The following CHCHD3 variants were observed in gnomAD, a reference collection of about 807,000 sequenced individuals.
CHCHD3 encodes the protein coiled-coil-helix-coiled-coil-helix domain containing 3.
A neutral mutation model predicts 38.2 loss-of-function variants in CHCHD3; 20 were observed. That is an observed-to-expected ratio of 0.52 (90% confidence interval 0.37 to 0.76). The LOEUF (loss-of-function observed/expected upper bound fraction) is 0.76. Ranked by LOEUF, CHCHD3 falls within the 30% of genes least tolerant of loss-of-function variation. The pLI is 0.00. For missense variants in CHCHD3, 245 were observed against 279.2 expected (o/e 0.88, Z 0.87); for synonymous variants, 82 against 100.0 (o/e 0.82, Z 1.07).
intron 4 of CHCHD3, among the ~76,000 whole-genome samples, chr7:132,903,917 A>G (rs1339668229): frequency 1.3e-5 from 2 of 152,190 alleles, no homozygotes; most frequent in Non-Finnish European, 2.9e-5. Context: ...AATCATCTTA[A>G]TGACAAACAT....
In CHCHD3 at chr7:132,785,616, T is replaced by C; in HGVS notation, c.*21A>G. 3 of 1,613,410 alleles carry C rather than the reference T, an allele frequency of 1.9e-6. No individual in the cohort carries two copies. The highest frequency in any genetic ancestry group is 1.7e-6 in the Non-Finnish European group (2 of 1,179,432). Reference sequence around the variant, plus strand: ...ATCTCTGGAATTAACGTTGATGGTGTTTTGCTCATTCTGAAAGTTTTTATC... The same window carrying C: ...ATCTCTGGAATTAACGTTGATGGTGCTTTGCTCATTCTGAAAGTTTTTATC... On this transcript the variant is annotated 3_prime_UTR_variant, in exon 8 of 8. Transcript: ENST00000262570.
intron 4 of CHCHD3, among the ~76,000 whole-genome samples, chr7:132,948,613 T>C (rs531362153): frequency 2.0e-5 from 3 of 152,266 alleles, no homozygotes; most frequent in Non-Finnish European, 2.9e-5. Context: ...AAAGTTTCTA[T>C]GGAAAATCAA....
chr7:132,973,213 A>C (rs1473745197), intron 4 of CHCHD3: 22 of 985,304 alleles, frequency 2.2e-5, no homozygotes, highest in Non-Finnish European at 2.5e-5. Context: ...AAAGAGTAAA[A>C]GCTGGGAGGC....
chr7:133,023,769 C>T (rs1264628340), intron 3 of CHCHD3, among the ~76,000 whole-genome samples: 1 of 151,762 alleles, frequency 6.6e-6, no homozygotes, highest in Non-Finnish European at 1.5e-5. Context: ...GTGTTTTTTT[C>T]AGTGGATAGC....
intron 4 of CHCHD3, among the ~76,000 whole-genome samples, chr7:132,914,328 T>A (rs1010068146): frequency 1.3e-5 from 2 of 152,170 alleles, no homozygotes; most frequent in Non-Finnish European, 2.9e-5. Context: ...ACAGCATCCA[T>A]CTTTTCCAAA....
intron 6 of CHCHD3, among the ~76,000 whole-genome samples, chr7:132,837,254 C>T (rs1344139109): frequency 6.6e-6 from 1 of 151,944 alleles, no homozygotes; most frequent in East Asian, 1.9e-4. Context: ...GGTTTACCAC[C>T]TAAAAAAAAG....
chr7:132,938,326 A>C (rs1441034585), intron 4 of CHCHD3, among the ~76,000 whole-genome samples: 3 of 152,208 alleles, frequency 2.0e-5, no homozygotes, highest in Non-Finnish European at 4.4e-5. Context: ...AGTAAGGCAA[A>C]TGAGAATAAG....
chr7:133,041,690 A>G (rs528178634), intron 2 of CHCHD3, among the ~76,000 whole-genome samples: 79 of 152,324 alleles, frequency 5.2e-4, no homozygotes, highest in Admixed American at 2.3e-3. Context: ...GCAGAATGAA[A>G]TGAAAGGACT....
chr7:133,018,281 A>G (rs1161798640), intron 3 of CHCHD3, among the ~76,000 whole-genome samples: 3 of 152,226 alleles, frequency 2.0e-5, no homozygotes, highest in African/African-American at 7.2e-5. Context: ...TCACAGCAGG[A>G]TGGTATAGGT....
At chr7:132,872,911 G>A (rs573864782) in intron 5 of CHCHD3, among the ~76,000 whole-genome samples, 4 of 151,992 alleles carry the variant, frequency 2.6e-5, no homozygotes, top group East Asian at 1.9e-4. Flanking sequence ...GACATCAGCC[G>A]GGCAGACATG....
intron 5 of CHCHD3, among the ~76,000 whole-genome samples, chr7:132,860,576 C>T (rs142492038): frequency 1.5e-4 from 23 of 152,114 alleles, no homozygotes; most frequent in Admixed American, 2.0e-4. Flanking sequence ...TTTATTCTAA[C>T]GGCTATGGAA....
chr7:132,980,269 G>A (rs1029291643), intron 3 of CHCHD3, among the ~76,000 whole-genome samples: 1 of 152,204 alleles, frequency 6.6e-6, no homozygotes, highest in African/African-American at 2.4e-5. Context: ...TGTAAAGGCA[G>A]GAGATAAAAT....
At chr7:132,911,034 G>T (rs535334279) in intron 4 of CHCHD3, among the ~76,000 whole-genome samples, 7 of 152,324 alleles carry the variant, frequency 4.6e-5, no homozygotes, top group African/African-American at 1.7e-4. Flanking sequence ...AAGAGCAGCA[G>T]ATGCAATAAC....
chr7:132,980,981 G>GT (rs765701452), intron 3 of CHCHD3, among the ~76,000 whole-genome samples: 1 of 151,936 alleles, frequency 6.6e-6, no homozygotes, highest in East Asian at 1.9e-4. Context: ...ACTAGCTCTA[G>GT]TTTTTTTGTT....
chr7:132,903,822 G>T (rs1478251013), intron 4 of CHCHD3, among the ~76,000 whole-genome samples: 1 of 152,150 alleles, frequency 6.6e-6, no homozygotes, highest in African/African-American at 2.4e-5. Flanking sequence ...TCGAACTGAG[G>T]AACTAACTGA....
chr7:132,835,459 C>T (rs1217778829), intron 6 of CHCHD3, among the ~76,000 whole-genome samples: 2 of 152,152 alleles, frequency 1.3e-5, no homozygotes, highest in African/African-American at 4.8e-5. Context: ...TGTTGAGGTT[C>T]TGTTTAAAAC....
At chr7:132,939,603 G>A (rs1810714265) in intron 4 of CHCHD3, among the ~76,000 whole-genome samples, 1 of 152,090 alleles carries the variant, frequency 6.6e-6, no homozygotes, top group Non-Finnish European at 1.5e-5. Context: ...TTTTCAGAAT[G>A]TATCTTCTTT....
chr7:132,937,865 C>T (rs1468347536), intron 4 of CHCHD3, among the ~76,000 whole-genome samples: 1 of 152,144 alleles, frequency 6.6e-6, no homozygotes, highest in African/African-American at 2.4e-5. Context: ...GTATTTCAGC[C>T]TGTGCTACAT....
chr7:132,917,687 G>A (rs1411396032), intron 4 of CHCHD3, among the ~76,000 whole-genome samples: 1 of 151,812 alleles, frequency 6.6e-6, no homozygotes, highest in Admixed American at 6.6e-5. Context: ...TGAAACCCCC[G>A]TCTCTACTAA....
Sources: allele counts gnomAD v4.1 joint callset (sites outside exome capture counted in the v4.1 genomes callset), GRCh38; gene constraint gnomAD v4.1.1; transcripts MANE v1.5; gene names NCBI Gene and HGNC (gene_info 2026-07-23, HGNC 2026-07-21).